BAZ2B: variants seen among roughly 807,000 people sequenced by gnomAD.
BAZ2B encodes bromodomain adjacent to zinc finger domain 2B.
BAZ2B carries 91 observed loss-of-function variants against 246.0 expected under a neutral mutation model. The ratio of observed to expected loss-of-function variants is 0.37; its 90% confidence interval spans 0.31 to 0.44. BAZ2B has a LOEUF of 0.44. BAZ2B is among the 20% of genes least tolerant of loss of function. The pLI is 1.00. For synonymous variants in BAZ2B, 855 were observed against 860.0 expected (o/e 0.99, Z 0.10); for missense variants, 2,332 against 2,533.7 (o/e 0.92, Z 1.71).
chr2:159,630,345 A>G, the BAZ2B span, among the ~76,000 whole-genome samples: 1 of 152,132 alleles, frequency 6.6e-6, no homozygotes, highest in Non-Finnish European at 1.5e-5. Flanking sequence ...AAAACAAAAT[A>G]CAATCCCATA....
intron 3 of BAZ2B, chr2:159,464,567 T>A (rs2076813374): frequency 6.6e-6 from 1 of 152,170 alleles, no homozygotes; most frequent in Non-Finnish European, 1.5e-5. Context: ...AAAACTACCA[T>A]TTTCTCTTCA....
At chr2:159,513,782 C>T (rs2083167069) in intron 2 of BAZ2B, among the ~76,000 whole-genome samples, 1 of 152,194 alleles carries the variant, frequency 6.6e-6, no homozygotes, top group African/African-American at 2.4e-5. Context: ...CTATTCTAAA[C>T]ATAGCAGCTG....
At chr2:159,475,516 G>A (rs1302277584) in intron 3 of BAZ2B, among the ~76,000 whole-genome samples, 1 of 152,066 alleles carries the variant, frequency 6.6e-6, no homozygotes, top group Non-Finnish European at 1.5e-5. Flanking sequence ...TAGCTCGGAG[G>A]AGTTTGTTAT....
chr2:159,528,716 G>A (rs1235549863), intron 2 of BAZ2B, among the ~76,000 whole-genome samples: 3 of 151,022 alleles, frequency 2.0e-5, no homozygotes, highest in Non-Finnish European at 4.4e-5. Flanking sequence ...GAGAAGTTAT[G>A]AAACAGCAAT....
At chr2:159,671,303 A>C in the BAZ2B span, among the ~76,000 whole-genome samples, 1 of 152,182 alleles carries the variant, frequency 6.6e-6, no homozygotes, top group Non-Finnish European at 1.5e-5. Flanking sequence ...GCTCCTCGCA[A>C]TACTTTCGTT....
chr2:159,315,319 A>C (rs1400122908), downstream of BAZ2B, among the ~76,000 whole-genome samples: 1 of 152,188 alleles, frequency 6.6e-6, no homozygotes, highest in Non-Finnish European at 1.5e-5. Context: ...GAGTGGTTTA[A>C]ACCAACAATA....
the BAZ2B span, among the ~76,000 whole-genome samples, chr2:159,669,093 G>C: frequency 6.6e-6 from 1 of 151,818 alleles, no homozygotes; most frequent in East Asian, 1.9e-4. Flanking sequence ...AGAAATTGAA[G>C]TTATGTCACC....
At chr2:159,466,889 T>C (rs1407577811) in intron 3 of BAZ2B, among the ~76,000 whole-genome samples, 7 of 152,132 alleles carry the variant, frequency 4.6e-5, no homozygotes, top group South Asian at 2.1e-4. Context: ...GACAATGTGC[T>C]CTACTCACTC....
chr2:159,662,328 T>C, the BAZ2B span, among the ~76,000 whole-genome samples: 1 of 152,230 alleles, frequency 6.6e-6, no homozygotes, highest in Non-Finnish European at 1.5e-5. Flanking sequence ...TGGGTATCTG[T>C]TTTTAATTAT....
At chr2:159,497,585 G>C (rs549149317) in intron 2 of BAZ2B, among the ~76,000 whole-genome samples, 1 of 152,168 alleles carries the variant, frequency 6.6e-6, no homozygotes, top group African/African-American at 2.4e-5. Context: ...ACTCTAATCA[G>C]ATTCTTTCTG....
the BAZ2B span, among the ~76,000 whole-genome samples, chr2:159,691,201 T>C: frequency 6.6e-6 from 1 of 152,198 alleles, no homozygotes; most frequent in East Asian, 1.9e-4. Context: ...ATTAATATCG[T>C]ATATTAATGG....
the BAZ2B span, among the ~76,000 whole-genome samples, chr2:159,703,861 T>C: frequency 6.6e-6 from 1 of 152,106 alleles, no homozygotes; most frequent in African/African-American, 2.4e-5. Context: ...CAAGACCCTG[T>C]CTCAAAAAAA....
At chr2:159,596,048 A>T (rs1690624432) in intron 1 of BAZ2B, among the ~76,000 whole-genome samples, 1 of 152,200 alleles carries the variant, frequency 6.6e-6, no homozygotes. Flanking sequence ...CTTTCTTTTA[A>T]CAGACTATAC....
the BAZ2B span, among the ~76,000 whole-genome samples, chr2:159,697,990 T>A: frequency 6.6e-6 from 1 of 152,164 alleles, no homozygotes; most frequent in Non-Finnish European, 1.5e-5. Flanking sequence ...CAGCTTTTGT[T>A]TTTTCATATG....
intron 27 of BAZ2B, among the ~76,000 whole-genome samples, chr2:159,360,611 T>C (rs143749311): frequency 0.015 from 2,357 of 152,268 alleles, 38 homozygotes; most frequent in Middle Eastern, 0.071. Flanking sequence ...TTAAATTTCA[T>C]ATGGAACCAA....
chr2:159,323,801 C>CT (rs373627927), intron 36 of BAZ2B, among the ~76,000 whole-genome samples: 21 of 127,510 alleles, frequency 1.6e-4, no homozygotes, highest in African/African-American at 2.2e-4. Flanking sequence ...GAAACTCTCT[C>CT]AAAAAAAAAA....
chr2:159,406,366 G>T (rs1374226075), intron 14 of BAZ2B, among the ~76,000 whole-genome samples: 1 of 152,194 alleles, frequency 6.6e-6, no homozygotes. Context: ...GATAAGCAAA[G>T]CTGCTTAGCT....
At chr2:159,389,299 A>G in intron 21 of BAZ2B, 46 bp downstream of exon 21, 1 of 1,508,768 alleles carries the variant, frequency 6.6e-7, no homozygotes, top group South Asian at 1.3e-5. Context: ...GAAAACTGGA[A>G]AAATTAAACT....
At chr2:159,353,026 A>G (rs1023204495) in intron 27 of BAZ2B, among the ~76,000 whole-genome samples, 1 of 152,238 alleles carries the variant, frequency 6.6e-6, no homozygotes, top group Non-Finnish European at 1.5e-5. Context: ...ACGAAATAAA[A>G]GGATGAATTT....
Sources: gnomAD v4.1 joint callset for allele counts (sites outside exome capture counted in the v4.1 genomes callset) on GRCh38, gnomAD v4.1.1 for gene constraint, MANE v1.5 for transcripts, NCBI Gene and HGNC (gene_info 2026-07-23, HGNC 2026-07-21) for gene names.